CPXM2: variants seen among roughly 807,000 people sequenced by gnomAD.
CPXM2 encodes the protein inactive carboxypeptidase-like protein X2.
Under a neutral mutation model 86.1 loss-of-function variants are expected in CPXM2, and 66 were observed. That is an observed-to-expected ratio of 0.77 (90% confidence interval 0.63 to 0.94). CPXM2 has a LOEUF of 0.94. Among genes scored for constraint, CPXM2 ranks in the 40% least tolerant of loss-of-function variants. CPXM2 has a pLI of 0.00. For missense variants in CPXM2, 948 were observed against 1,026.3 expected, an observed-to-expected ratio of 0.92 and a Z score of 1.04; for synonymous variants, 388 against 400.2, an observed-to-expected ratio of 0.97 and a Z score of 0.36.
intron 10 of CPXM2, among the ~76,000 whole-genome samples, chr10:123,764,250 AG>A (rs1162667684): frequency 3.9e-5 from 6 of 152,208 alleles, no homozygotes; most frequent in Non-Finnish European, 8.8e-5. Flanking sequence ...TTTGATGAAC[AG>A]GCTTTCTTAT....
chr10:123,893,514 G>T (rs1027555171), upstream of CPXM2, among the ~76,000 whole-genome samples: 1 of 152,224 alleles, frequency 6.6e-6, no homozygotes, highest in Non-Finnish European at 1.5e-5. Context: ...TTGAGGCAGG[G>T]CCTGTCTGCA....
chr10:123,922,054 T>C (rs944454652), intron 2 of CPXM2, among the ~76,000 whole-genome samples: 2 of 152,336 alleles, frequency 1.3e-5, no homozygotes, highest in African/African-American at 2.4e-5. Context: ...CTGAGCACAA[T>C]TGACATTTGG....
At chr10:123,814,149 G>A (rs1477918744) in intron 4 of CPXM2, among the ~76,000 whole-genome samples, 2 of 152,194 alleles carry the variant, frequency 1.3e-5, no homozygotes, top group Admixed American at 6.5e-5. Flanking sequence ...TCGGCTTGAA[G>A]GATGCAAAGT....
At chr10:123,837,763 A>G (rs61863839) in intron 4 of CPXM2, among the ~76,000 whole-genome samples, 3,472 of 152,332 alleles carry the variant, frequency 0.023, 73 homozygotes, top group South Asian at 0.09. Context: ...GATAATTTAT[A>G]TTTGTATAAG....
chr10:123,847,322 C>T (rs545355585), intron 3 of CPXM2, among the ~76,000 whole-genome samples: 2 of 152,170 alleles, frequency 1.3e-5, no homozygotes, highest in African/African-American at 4.8e-5. Flanking sequence ...GTCAGGAGTT[C>T]TAGACTAGCC....
At chr10:123,838,369 A>G (rs1848319269) in intron 4 of CPXM2, among the ~76,000 whole-genome samples, 1 of 152,176 alleles carries the variant, frequency 6.6e-6, no homozygotes, top group African/African-American at 2.4e-5. Flanking sequence ...GCTGAGTATC[A>G]CTTGAACCTG....
intron 2 of CPXM2, among the ~76,000 whole-genome samples, chr10:123,928,486 G>T (rs1945642024): frequency 6.6e-6 from 1 of 152,178 alleles, no homozygotes; most frequent in African/African-American, 2.4e-5. Flanking sequence ...CTATCAAATT[G>T]TGGCATCTCT....
At chr10:123,902,532 C>T (rs1346876997) in intron 2 of CPXM2, among the ~76,000 whole-genome samples, 1 of 152,164 alleles carries the variant, frequency 6.6e-6, no homozygotes, top group Non-Finnish European at 1.5e-5. Context: ...TCTCACAGTT[C>T]CGGAGGCTGG....
intron 2 of CPXM2, among the ~76,000 whole-genome samples, chr10:123,875,857 C>T (rs924137495): frequency 1.5e-5 from 2 of 137,750 alleles, no homozygotes; most frequent in Admixed American, 7.8e-5. Flanking sequence ...CGCTCTGTCA[C>T]CCAGGCTGGA....
chr10:123,936,597 C>G (rs1007851637), intron 2 of CPXM2, among the ~76,000 whole-genome samples: 4 of 152,200 alleles, frequency 2.6e-5, no homozygotes, highest in Non-Finnish European at 4.4e-5. Context: ...TCCCAGAAGC[C>G]TTGCAAAGGA....
intron 2 of CPXM2, among the ~76,000 whole-genome samples, chr10:123,917,108 C>T (rs1228664199): frequency 1.3e-5 from 2 of 152,140 alleles, no homozygotes; most frequent in Non-Finnish European, 2.9e-5. Flanking sequence ...GAGGCATAGA[C>T]ATTCAGCTTG....
chr10:123,748,364 G>A (rs1035532446), intron 13 of CPXM2, among the ~76,000 whole-genome samples: 3 of 152,118 alleles, frequency 2.0e-5, no homozygotes, highest in Non-Finnish European at 2.9e-5. Context: ...GTCTTCTAAC[G>A]GATGGAAGAA....
chr10:123,872,986 T>G (rs770139758), intron 2 of CPXM2, among the ~76,000 whole-genome samples: 1 of 150,766 alleles, frequency 6.6e-6, no homozygotes, highest in African/African-American at 2.4e-5. Context: ...TAAGGCCAAA[T>G]AGCAAGAAAA....
chr10:123,837,825 G>A (rs1050507702), intron 4 of CPXM2, among the ~76,000 whole-genome samples: 3 of 152,100 alleles, frequency 2.0e-5, no homozygotes, highest in Non-Finnish European at 2.9e-5. Flanking sequence ...TAATAAAACT[G>A]CGGTTGTAGA....
rs11517442 is a variant in CPXM2 at position 123,938,922 on chromosome 10, G to A, written n.174+555C>T. On this transcript the variant is annotated intron_variant and non_coding_transcript_variant, in intron 2 of 19. Coordinates refer to the CPXM2 transcript ENST00000368854. ...AGGGACACAGGTGGATCACAGCCCA[G>A]GTACTTCCATAGCCCACCCAGAGCT... Among the ~76,000 whole-genome samples the A allele has an allele frequency of 2.9e-3, 443 of 151,938 alleles. 3 individuals are homozygous for A. Among genetic ancestry groups the A allele is most frequent in the African/African-American group, 0.01 (419 of 41,432 alleles).
chr10:123,820,449 A>G (rs1268261458), intron 4 of CPXM2, among the ~76,000 whole-genome samples: 3 of 152,184 alleles, frequency 2.0e-5, no homozygotes, highest in Admixed American at 1.3e-4. Flanking sequence ...ATGTCTGCTC[A>G]CTAGTGTCCC....
chr10:123,900,495 G>A (rs892611277), intron 2 of CPXM2, among the ~76,000 whole-genome samples: 1 of 152,176 alleles, frequency 6.6e-6, no homozygotes, highest in Non-Finnish European at 1.5e-5. Context: ...CCAGAGAAAT[G>A]CAAATTTAAA....
Position 123,907,575 on chromosome 10 carries a change from C to A in CPXM2, n.175-27266G>T, listed in dbSNP as rs1422544146. 2.0e-5 allele frequency among the ~76,000 whole-genome samples: 3 copies of A among 150,618 alleles called. No individual in the cohort carries two copies. In the East Asian group the frequency reaches 6.0e-4, roughly 30 times the overall value. Reference sequence around the variant, plus strand: ...GATCACTTAGGTGACACGGCACCATCCTGTGCATTTTTCTCTTAGAAACTG... The same window carrying A: ...GATCACTTAGGTGACACGGCACCATACTGTGCATTTTTCTCTTAGAAACTG... On this transcript the variant is annotated intron_variant and non_coding_transcript_variant, in intron 2 of 19. Transcript: ENST00000368854.
intron 8 of CPXM2, among the ~76,000 whole-genome samples, chr10:123,770,144 C>T (rs1846593098): frequency 2.0e-5 from 3 of 152,116 alleles, no homozygotes; most frequent in Admixed American, 2.0e-4. Context: ...TATGGTGGCA[C>T]ATGCCTGTAA....
Sources: gnomAD v4.1 joint callset for allele counts (sites outside exome capture counted in the v4.1 genomes callset) on GRCh38, gnomAD v4.1.1 for gene constraint, MANE v1.5 for transcripts, NCBI Gene and HGNC (gene_info 2026-07-23, HGNC 2026-07-21) for gene names.